KMT2B: variants seen among roughly 807,000 people sequenced by gnomAD.
KMT2B encodes histone-lysine N-methyltransferase 2B.
Under a neutral mutation model 255.3 loss-of-function variants are expected in KMT2B, and 22 were observed. The observed-to-expected ratio is 0.09, with a 90% CI of 0.06 to 0.12. The LOEUF (loss-of-function observed/expected upper bound fraction) is 0.12. Among genes scored for constraint, KMT2B ranks in the 10% least tolerant of loss-of-function variants. The pLI is 1.00. For missense variants in KMT2B, 3,149 were observed against 3,737.0 expected (o/e 0.84, Z 4.10); for synonymous variants, 1,730 against 1,498.1 (o/e 1.15, Z -3.57).
In KMT2B at chr19:35,730,853, C is replaced by T. The variant is rs1338785969; in HGVS notation, c.5423C>T (p.Pro1808Leu). The T allele has an allele frequency of 1.9e-6, 3 of 1,607,224 alleles. No individual in the cohort carries two copies. The highest frequency in any genetic ancestry group is 2.5e-6 in the Non-Finnish European group (3 of 1,176,624). The change falls in exon 26 of 37, where the codon CCC becomes CTC. Residue 1808 changes from proline to leucine, a missense_variant. Pro to Leu is a moderately conservative substitution (Grantham distance 98). Around this residue, in one of 18 missense-constraint regions of KMT2B, gnomAD observed 897 missense variants for 825.3 expected, o/e 1.09. Transcript: ENST00000420124. Reference protein sequence around the residue: ...AEENQTIVHSPAPSSEPPGGE... With the variant: ...AEENQTIVHSLAPSSEPPGGE... ...GAGAACCAGACCATTGTGCACAGCC[C>T]CGCCCCTTCCTCAGGTGTGGCTTTG... is the stretch of plus-strand genomic sequence containing the variant.
chr19:35,729,892 C>A, intron 22 of KMT2B, 75 bp from the exon 23 acceptor site: 2 of 1,440,094 alleles, frequency 1.4e-6, no homozygotes, highest in South Asian at 1.2e-5. Flanking sequence ...GGGACCCATG[C>A]AGACTCAGTG....
In KMT2B at chr19:35,723,409, A is replaced by T; in HGVS notation, c.3003-38A>T. The T allele has an allele frequency of 5.8e-6, 9 of 1,549,784 alleles. No individual in the cohort carries two copies. The highest frequency in any genetic ancestry group is 7.9e-6 in the Non-Finnish European group (9 of 1,144,638). ...GCTTCCTCTCTTCCCCCAGACCACCAGTCCCCTACCCTGGTGACGTGCTGC... is the reference window on the plus strand; with the variant it reads ...GCTTCCTCTCTTCCCCCAGACCACCTGTCCCCTACCCTGGTGACGTGCTGC... On this transcript the variant is annotated intron_variant, in intron 6 of 36. Coordinates refer to ENST00000420124, the MANE Select transcript of KMT2B (RefSeq NM_014727.3). The surrounding 1 kb of genome is among the most constrained non-coding windows in gnomAD (Gnocchi z 7.5).
chr19:35,723,401 A>C lies in KMT2B; in HGVS notation c.3003-46A>C. The C allele has an allele frequency of 6.5e-7, 1 of 1,542,146 alleles. No individual in the cohort carries two copies. The highest frequency in any genetic ancestry group is 8.8e-7 in the Non-Finnish European group (1 of 1,139,918). On this transcript the variant is annotated intron_variant, in intron 6 of 36. Coordinates refer to ENST00000420124, the MANE Select transcript of KMT2B (RefSeq NM_014727.3). This position sits in a 1 kb window ranked among gnomAD's most constrained non-coding sequence, Gnocchi z 7.5. The stretch of plus-strand genomic sequence containing the variant: ...TGTGGAGAGCTTCCTCTCTTCCCCC[A>C]GACCACCAGTCCCCTACCCTGGTGA...
rs1283702290 is a variant in KMT2B at position 35,724,114 on chromosome 19, A to T, written c.3334+107A>T. 2.6e-6 allele frequency: 3 copies of T among 1,145,110 alleles called. No individual in the cohort carries two copies. In the African/African-American group the frequency reaches 4.6e-5, roughly 18 times the overall value. The allele number at this position is 1,145,110 out of a possible 1,614,324, so 70.9% of individuals were successfully genotyped here. ...CCAGGGCTCTGTCAGTCTGATAGAG[A>T]AGGTGGCTGAGGGCGGAGGAGGAGA... On this transcript the variant is annotated intron_variant, in intron 8 of 36. Transcript: ENST00000420124.
At position 35,720,485 on chromosome 19, in the gene KMT2B, G is replaced by A. The variant is rs1969141910; in HGVS notation, c.1138G>A (p.Glu380Lys). Residue 380 changes from glutamate to lysine, a missense_variant, in exon 3 of 37, where the codon GAG becomes AAG. Transcript: ENST00000420124. Reference protein sequence around the residue: ...EEEEKDKEGEEKEERAVAEEM... With the variant: ...EEEEKDKEGEKKEERAVAEEM... ...AGAAGAAAAAGACAAGGAGGGAGAA[G>A]AGAAGGAAGAAAGAGCTGTAGCTGA... 4 of 1,551,062 alleles carry A rather than the reference G, an allele frequency of 2.6e-6. No homozygotes were observed. The highest frequency in any genetic ancestry group is 3.3e-4 in the Middle Eastern group (2 of 5,996).
At position 35,733,500 on chromosome 19, in the gene KMT2B, C is replaced by T. The variant is rs768813508; in HGVS notation, c.6951C>T (p.Gly2317=). 1.3e-6 allele frequency: 2 copies of T among 1,556,364 alleles called. No individual in the cohort carries two copies. Among genetic ancestry groups the T allele is most frequent in the South Asian group, 2.4e-5 (2 of 84,504 alleles). Residue 2317 remains glycine (G), a synonymous_variant, in exon 28 of 37, where the codon GGC becomes GGT. Coordinates refer to ENST00000420124, the MANE Select transcript of KMT2B (RefSeq NM_014727.3). The surrounding 1 kb of genome is among the most constrained non-coding windows in gnomAD (Gnocchi z 4.3). The stretch of plus-strand genomic sequence containing the variant: ...ATACCCCTCAGGTTCCAGGGCTTGG[C>T]AGTGGCGGGTGAGTGCGGGTGCTGA... ...SEDTPQVPGL[G]SGGFSRVRMK...
chr19:35,724,875 A>C, intron 9 of KMT2B, 114 bp from the exon 10 acceptor site: 1 of 1,138,384 alleles, frequency 8.8e-7, no homozygotes, highest in Non-Finnish European at 1.3e-6. Context: ...TCTGGAAAGC[A>C]AAGGGGTCTG....
Position 35,732,555 on chromosome 19 carries a change from C to T in KMT2B, c.6006C>T (p.Pro2002=), listed in dbSNP as rs1183972634. The T allele has an allele frequency of 6.2e-7, 1 of 1,613,844 alleles. No individual in the cohort carries two copies. Among genetic ancestry groups the T allele is most frequent in the Admixed American group, 1.7e-5 (1 of 60,026 alleles). Residue 2002 remains proline, a synonymous_variant, in exon 28 of 37, where the codon CCC becomes CCT. Transcript: ENST00000420124. ...CGGCCAGCCTGCTGGGGACTGAGCC[C>T]TTCCAGGAAGAGATTGTAGCCGCTG... ...DFAASLLGTE[P]FQEEIVAAGA...
Position 35,720,517 on chromosome 19 carries a change from G to T in KMT2B, c.1170G>T (p.Met390Ile). 1 of 1,550,608 alleles carries T rather than the reference G, an allele frequency of 6.4e-7. No individual in the cohort carries two copies. The highest frequency in any genetic ancestry group is 8.7e-7 in the Non-Finnish European group (1 of 1,146,622). Residue 390 changes from methionine to isoleucine, a missense_variant, in exon 3 of 37, where the codon ATG becomes ATT. By Grantham distance (10) the Met-to-Ile change is conservative (BLOSUM62 1). Coordinates refer to ENST00000420124, the MANE Select transcript of KMT2B (RefSeq NM_014727.3). ...EKEERAVAEEMMPAAEKEEAK... is the reference protein window; with the variant it reads ...EKEERAVAEEIMPAAEKEEAK... ...AAGAAAGAGCTGTAGCTGAGGAGATGATGCCAGCTGCGGAAAAGGAAGAGG... is the reference window on the plus strand; with the variant it reads ...AAGAAAGAGCTGTAGCTGAGGAGATTATGCCAGCTGCGGAAAAGGAAGAGG...
chr19:35,738,574 C>T lies in KMT2B; in HGVS notation c.*17C>T. The T allele has an allele frequency of 6.2e-7, 1 of 1,606,082 alleles. No individual in the cohort carries two copies. Among genetic ancestry groups the T allele is most frequent in the Non-Finnish European group, 8.5e-7 (1 of 1,174,656 alleles). ...CTTAACTGAGGCCGTGGCTGCCCAC[C>T]ACGACCCCTCACACCTCCTGCTGCC... is the stretch of plus-strand genomic sequence containing the variant. On this transcript the variant is annotated 3_prime_UTR_variant, in exon 37 of 37. Transcript: ENST00000420124. This position sits in a 1 kb window ranked among gnomAD's most constrained non-coding sequence, Gnocchi z 8.7.
At position 35,723,908 on chromosome 19, in the gene KMT2B, T is replaced by C; in HGVS notation, c.3235T>C (p.Cys1079Arg). 6.2e-7 allele frequency: 1 copy of C among 1,611,984 alleles called. No homozygotes were observed. The highest frequency in any genetic ancestry group is 8.5e-7 in the Non-Finnish European group (1 of 1,179,524). Residue 1079 changes from cysteine to arginine, a missense_variant, in exon 8 of 37, where the codon TGC becomes CGC. Transcript: ENST00000420124. This position sits in a 1 kb window ranked among gnomAD's most constrained non-coding sequence, Gnocchi z 7.5. ...SLLQRKSARR[C>R]VKQRPSYDIF... ...CCTGCAGCGCAAGTCAGCTCGGCGCTGCGTCAAACAGCGACCCTCCTATGA... is the reference window on the plus strand; with the variant it reads ...CCTGCAGCGCAAGTCAGCTCGGCGCCGCGTCAAACAGCGACCCTCCTATGA...
At chr19:35,722,767 A>C (rs549336038) in intron 5 of KMT2B, 49 bp downstream of exon 5, 1 of 1,536,040 alleles carries the variant, frequency 6.5e-7, no homozygotes, top group African/African-American at 1.4e-5. Flanking sequence ...ATGACCCCAC[A>C]CTTGGGTGAC....
chr19:35,734,616 G>C (rs1468274074), intron 30 of KMT2B, among the ~76,000 whole-genome samples: 3 of 152,212 alleles, frequency 2.0e-5, no homozygotes, highest in Non-Finnish European at 4.4e-5. Flanking sequence ...AGGTAAAGGA[G>C]AGGAGGGAAA....
rs529136823 is a variant in KMT2B at position 35,725,416 on chromosome 19, C to G, written c.3643-63C>G. The G allele has an allele frequency of 3.1e-6, 5 of 1,593,406 alleles. No homozygotes were observed. The highest frequency in any genetic ancestry group is 4.3e-6 in the Non-Finnish European group (5 of 1,169,968). ...ATTCCTTGGGCCCTCTCAGCTGGGT[C>G]TCATCCCTTGGCCCTCTGGCCTCAT... On this transcript the variant is annotated intron_variant, in intron 11 of 36. Transcript: ENST00000420124. The surrounding 1 kb of genome is among the most constrained non-coding windows in gnomAD (Gnocchi z 4.1).
chr19:35,723,383 A>C lies in KMT2B; in HGVS notation c.3003-64A>C, dbSNP rs1358428331. The C allele has an allele frequency of 7.2e-5, 111 of 1,535,186 alleles. No homozygotes were observed. The highest frequency in any genetic ancestry group is 9.4e-5 in the Non-Finnish European group (107 of 1,134,882). On this transcript the variant is annotated intron_variant, in intron 6 of 36. Coordinates refer to ENST00000420124, the MANE Select transcript of KMT2B (RefSeq NM_014727.3). The surrounding 1 kb of genome is among the most constrained non-coding windows in gnomAD (Gnocchi z 7.5). ...CAGTGGGGTTGGCATTCTTGTGGAG[A>C]GCTTCCTCTCTTCCCCCAGACCACC...
Position 35,733,990 on chromosome 19 carries a change from G to C in KMT2B, c.7159+118G>C. The C allele has an allele frequency of 1.5e-6, 1 of 689,294 alleles. No individual in the cohort carries two copies. The highest frequency in any genetic ancestry group is 2.5e-6 in the Non-Finnish European group (1 of 397,326). 42.7% of individuals were successfully genotyped at this position (689,294 alleles called of 1,614,324 possible). ...ATCTACTCCCAGGGGCCAAGCCTGAGGCTCGGTGCTAGAGTTAGAGATGAC... is the reference window on the plus strand; with the variant it reads ...ATCTACTCCCAGGGGCCAAGCCTGACGCTCGGTGCTAGAGTTAGAGATGAC... On this transcript the variant is annotated intron_variant, in intron 30 of 36. Transcript: ENST00000420124. The surrounding 1 kb of genome is among the most constrained non-coding windows in gnomAD (Gnocchi z 4.3).
At position 35,723,507 on chromosome 19, in the gene KMT2B, C is replaced by T. The variant is rs929920443; in HGVS notation, c.3058+5C>T. 4.5e-6 allele frequency: 7 copies of T among 1,563,626 alleles called. No homozygotes were observed. The highest frequency in any genetic ancestry group is 3.8e-5 in the Admixed American group (2 of 51,976). On this transcript the variant is annotated splice_donor_5th_base_variant and intron_variant, in intron 7 of 36. Transcript: ENST00000420124. This position sits in a 1 kb window ranked among gnomAD's most constrained non-coding sequence, Gnocchi z 7.5. ...TGGAACGACTGGCTAAAAAAGGTGA[C>T]GAGCTTTAAGGAGCATTTCTTCTCA...
intron 30 of KMT2B, chr19:35,735,906 G>C (rs775742264): frequency 6.6e-6 from 1 of 152,108 alleles, no homozygotes; most frequent in African/African-American, 2.4e-5. Flanking sequence ...ATTAACCCTC[G>C]AGAAATCCCC....
Position 35,726,369 on chromosome 19 carries a change from G to A in KMT2B, c.4003+16G>A. 6.4e-7 allele frequency: 1 copy of A among 1,557,042 alleles called. No individual in the cohort carries two copies. The highest frequency in any genetic ancestry group is 1.4e-5 in the African/African-American group (1 of 73,896). ...TATGAGAAAGGTGGGGACCGGGCAG[G>A]GGAACTGGATGCTGGGGGCCACAGG... On this transcript the variant is annotated intron_variant, in intron 14 of 36. Transcript: ENST00000420124.
Sources: gnomAD v4.1 joint callset for allele counts (sites outside exome capture counted in the v4.1 genomes callset) on GRCh38, gnomAD v4.1.1 for gene constraint, gnomAD v4.1.1 regional missense constraint, Gnocchi (gnomAD v3.1) non-coding constraint, MANE v1.5 for transcripts, NCBI Gene and HGNC (gene_info 2026-07-23, HGNC 2026-07-21) for gene names.